The following CNGA1 variants were observed in gnomAD, a reference collection of about 807,000 sequenced individuals.
The protein encoded by CNGA1 is cyclic nucleotide-gated channel alpha-1.
Under a neutral mutation model 69.7 loss-of-function variants are expected in CNGA1, and 53 were observed. The observed-to-expected ratio is 0.76, with a 90% CI of 0.61 to 0.96. CNGA1 has a LOEUF of 0.96. Ranked by LOEUF, CNGA1 falls within the 40% of genes least tolerant of loss-of-function variation. The pLI is 0.00. For synonymous variants in CNGA1, 249 were observed against 283.5 expected, an observed-to-expected ratio of 0.88 and a Z score of 1.22; for missense variants, 739 against 811.2, an observed-to-expected ratio of 0.91 and a Z score of 1.08.
At chr4:47,963,752 C>T in intron 3 of CNGA1, among the ~76,000 whole-genome samples, 1 of 152,132 alleles carries the variant, frequency 6.6e-6, no homozygotes, top group Admixed American at 6.5e-5. Flanking sequence ...GCAGGACTGT[C>T]CCCATCTGTT....
intron 8 of CNGA1, among the ~76,000 whole-genome samples, chr4:47,942,589 C>T (rs1739154747): frequency 2.0e-5 from 3 of 152,032 alleles, no homozygotes; most frequent in Non-Finnish European, 4.4e-5. Flanking sequence ...CCCCAACCCC[C>T]GGGCTGTGGG....
intron 2 of CNGA1, among the ~76,000 whole-genome samples, chr4:47,989,093 A>C (rs1211191460): frequency 2.6e-5 from 4 of 152,148 alleles, no homozygotes; most frequent in Admixed American, 2.6e-4. Flanking sequence ...GACATTAGAC[A>C]AACTTTGGTT....
chr4:47,980,472 CTT>C (rs5858098), intron 3 of CNGA1, among the ~76,000 whole-genome samples: 217 of 112,340 alleles, frequency 1.9e-3, no homozygotes, highest in East Asian at 9.7e-3. Context: ...TTCTTTCTTT[CTT>C]TTTTTTTTTT....
At chr4:47,954,665 C>T (rs1739954954) in intron 3 of CNGA1, among the ~76,000 whole-genome samples, 1 of 152,254 alleles carries the variant, frequency 6.6e-6, no homozygotes, top group African/African-American at 2.4e-5. Flanking sequence ...TAATTCCCTA[C>T]TGGCCTTGAT....
intron 2 of CNGA1, among the ~76,000 whole-genome samples, chr4:47,990,867 C>T (rs1742232598): frequency 6.6e-6 from 1 of 152,190 alleles, no homozygotes; most frequent in Admixed American, 6.5e-5. Flanking sequence ...CATAGCTTAG[C>T]TCCCACTTAC....
chr4:47,992,327 AT>A (rs1742302685), intron 2 of CNGA1, among the ~76,000 whole-genome samples: 1 of 151,966 alleles, frequency 6.6e-6, no homozygotes, highest in Non-Finnish European at 1.5e-5. Flanking sequence ...TGTTTGTGTC[AT>A]CTATGATTTC....
At chr4:48,013,465 T>C (rs1162366026) in intron 1 of CNGA1, among the ~76,000 whole-genome samples, 1 of 152,214 alleles carries the variant, frequency 6.6e-6, no homozygotes, top group Admixed American at 6.5e-5. Context: ...TGGTTCTGTC[T>C]GGAAAGACGG....
intron 2 of CNGA1, among the ~76,000 whole-genome samples, chr4:48,001,400 T>C (rs1714660056): frequency 6.6e-6 from 1 of 151,948 alleles, no homozygotes; most frequent in African/African-American, 2.4e-5. Flanking sequence ...ATCTGGGAGG[T>C]GGAGGTTGCA....
Position 47,936,405 on chromosome 4 carries a change from G to T in CNGA1, c.*16C>A. The stretch of plus-strand genomic sequence containing the variant: ...GATCATGAGGCATGTCCCTGTTAAT[G>T]ACCAGCTTTTCGGTTCTATGTAGAG... On this transcript the variant is annotated 3_prime_UTR_variant, in exon 11 of 11. Coordinates refer to ENST00000514170, the MANE Select transcript of CNGA1 (RefSeq NM_001379270.1). 1 of 1,613,128 alleles carries T rather than the reference G, an allele frequency of 6.2e-7. No homozygotes were observed. The highest frequency in any genetic ancestry group is 1.1e-5 in the South Asian group (1 of 91,040).
rs1354432849 is a variant in CNGA1 at position 47,976,243 on chromosome 4, A to G, written c.-15+5150T>C. Reference sequence around the variant, plus strand: ...TACATATATATATACATATATATGTATATATATATACACATACATATATAT... The same window carrying G: ...TACATATATATATACATATATATGTGTATATATATACACATACATATATAT... On this transcript the variant is annotated intron_variant, in intron 3 of 10. Coordinates refer to ENST00000514170, the MANE Select transcript of CNGA1 (RefSeq NM_001379270.1). Among the ~76,000 whole-genome samples the G allele has an allele frequency of 5.5e-5, 3 of 54,232 alleles. 1 individual carries two copies. Among genetic ancestry groups the G allele is most frequent in the African/African-American group, 3.2e-4 (2 of 6,206 alleles). 35.6% of individuals were successfully genotyped at this position (54,232 alleles called of 152,430 possible). A position where few individuals can be genotyped will look rare whatever the true frequency, so the allele number is the denominator to read the frequency against.
At chr4:47,948,093 G>C (rs770386377) in intron 6 of CNGA1, among the ~76,000 whole-genome samples, 5 of 151,962 alleles carry the variant, frequency 3.3e-5, no homozygotes, top group Non-Finnish European at 5.9e-5. Flanking sequence ...ACAGGGCTTT[G>C]ACCAGTGCCA....
chr4:48,007,467 C>A (rs1271637721), intron 2 of CNGA1, among the ~76,000 whole-genome samples: 5 of 152,134 alleles, frequency 3.3e-5, no homozygotes, highest in Admixed American at 1.3e-4. Flanking sequence ...CCTTGTGTCT[C>A]AGGAATGCAG....
chr4:47,974,134 G>A (rs1291670095), intron 3 of CNGA1, among the ~76,000 whole-genome samples: 1 of 151,814 alleles, frequency 6.6e-6, no homozygotes, highest in East Asian at 1.9e-4. Flanking sequence ...ATGATAGATA[G>A]CTAGATAAAA....
intron 2 of CNGA1, among the ~76,000 whole-genome samples, chr4:48,009,325 G>C (rs893368994): frequency 7.2e-5 from 11 of 151,888 alleles, no homozygotes; most frequent in African/African-American, 2.4e-4. Flanking sequence ...AATTAGCCGA[G>C]GGTGGTGCTG....
intron 10 of CNGA1, among the ~76,000 whole-genome samples, chr4:47,939,612 T>G (rs1738942036): frequency 1.3e-5 from 2 of 152,178 alleles, no homozygotes; most frequent in South Asian, 4.1e-4. Flanking sequence ...GGGGATCATC[T>G]TGGGAGACTG....
intron 5 of CNGA1, among the ~76,000 whole-genome samples, 164 bp downstream of exon 5, chr4:47,951,189 A>G (rs980253458): frequency 1.3e-5 from 2 of 152,234 alleles, no homozygotes; most frequent in Non-Finnish European, 2.9e-5. Context: ...TTACAAACCC[A>G]TTTATGCCTA....
Position 47,943,412 on chromosome 4 carries a change from C to T in CNGA1, c.288G>A (p.Gln96=), listed in dbSNP as rs755575913. The change falls in exon 7 of 11, where the codon CAG becomes CAA. Residue 96 remains glutamine (Q), a splice_region_variant and synonymous_variant. Coordinates refer to ENST00000514170, the MANE Select transcript of CNGA1 (RefSeq NM_001379270.1). The part of the protein sequence containing the change: ...FNVNNSSNKD[Q]EPEEKKKKKK... ...TCTTTTTCTTTTTTTCTTCTGGTTC[C>T]CTAAAGAAAAAAATAATATATCTGT... The T allele has an allele frequency of 2.7e-6, 4 of 1,461,942 alleles. No homozygotes were observed. Among genetic ancestry groups the T allele is most frequent in the Middle Eastern group, 2.1e-4 (1 of 4,854 alleles). The allele number at this position is 1,461,942 out of a possible 1,614,324, so 90.6% of individuals were successfully genotyped here.
In CNGA1 at chr4:47,936,568, G is replaced by A; in HGVS notation, c.1914C>T (p.Ala638=). ...GSVDLLQTRF[A]RILAEYESMQ... ...TGGACTCATACTCAGCCAAGATTCG[G>A]GCAAACCTGGTTTGCAGGAGGTCTA... Residue 638 remains alanine, a synonymous_variant, in exon 11 of 11, where the codon GCC becomes GCT. Coordinates refer to ENST00000514170, the MANE Select transcript of CNGA1 (RefSeq NM_001379270.1). The A allele has an allele frequency of 6.2e-7, 1 of 1,614,032 alleles. No homozygotes were observed. Among genetic ancestry groups the A allele is most frequent in the Non-Finnish European group, 8.5e-7 (1 of 1,180,000 alleles).
intron 1 of CNGA1, among the ~76,000 whole-genome samples, chr4:48,014,106 C>T (rs1003748044): frequency 6.6e-6 from 1 of 152,164 alleles, no homozygotes; most frequent in Non-Finnish European, 1.5e-5. Context: ...CAGTTATTAT[C>T]GCATTCTAAT....
Sources: allele counts gnomAD v4.1 joint callset (sites outside exome capture counted in the v4.1 genomes callset), GRCh38; gene constraint gnomAD v4.1.1; transcripts MANE v1.5; gene names NCBI Gene and HGNC (gene_info 2026-07-23, HGNC 2026-07-21).